Variants in RNASET2 observed in about 807,000 individuals in gnomAD.
RNASET2 encodes the protein ribonuclease 6.
RNASET2 carries 28 observed loss-of-function variants against 33.9 expected under a neutral mutation model. The ratio of observed to expected loss-of-function variants is 0.83; its 90% CI spans 0.61 to 1.13. The LOEUF is 1.13. Ranked by LOEUF, RNASET2 falls within the 50% of genes most tolerant of loss-of-function variation. RNASET2 has a pLI of 0.00. For synonymous variants in RNASET2, 123 were observed against 121.0 expected (o/e 1.02, Z -0.11); for missense variants, 330 against 319.9 (o/e 1.03, Z -0.24).
Position 166,926,533 on chromosome 6 carries a change from C to A in RNASET2, c.*3055G>T, listed in dbSNP as rs376010179. Among the ~76,000 whole-genome samples, 1,527 of 127,898 alleles carry A rather than the reference C, an allele frequency of 0.012. No homozygotes were observed. Among genetic ancestry groups the A allele is most frequent in the Non-Finnish European group, 0.015 (912 of 61,628 alleles). The allele number at this position is 127,898 out of a possible 152,430, so 83.9% of individuals were successfully genotyped here. A position where few individuals can be genotyped will look rare whatever the true frequency, so the allele number is the denominator to read the frequency against. ...TGGGCGACAGAGTGAGACTCAGTCT[C>A]AAAAAAAAAAAAAAAGAAAAGAAAA... On this transcript the variant is annotated 3_prime_UTR_variant, in exon 9 of 9. Coordinates refer to ENST00000508775, the MANE Select transcript of RNASET2 (RefSeq NM_003730.6).
chr6:166,930,693 C>CACATGCACACGTGCATGT (rs1554267039), intron 8 of RNASET2, among the ~76,000 whole-genome samples: 1 of 151,016 alleles, frequency 6.6e-6, no homozygotes, highest in East Asian at 2.0e-4. Flanking sequence ...GCGCATACAG[C>CACATGCACACGTGCATGT]ACATGCACAC....
rs144831798 is a variant in RNASET2, at chr6:166,922,949, C to T, written c.*6639G>A. ...TGCAGACTTTTCTCAGTGTTAAAAGCGGGTAGGAAAAGGTGATTGTGTAAT... is the reference window on the plus strand; with the variant it reads ...TGCAGACTTTTCTCAGTGTTAAAAGTGGGTAGGAAAAGGTGATTGTGTAAT... On this transcript the variant is annotated 3_prime_UTR_variant, in exon 9 of 9. Transcript: ENST00000508775. Among the ~76,000 whole-genome samples the T allele has an allele frequency of 3.1e-4, 47 of 152,266 alleles. No homozygotes were observed. The East Asian group carries it at 6.7e-3, about 22-fold the overall frequency.
At chr6:166,955,335 G>GCA (rs1562507434) in intron 1 of RNASET2, 1 of 83,352 alleles carries the variant, frequency 1.2e-5, no homozygotes, top group East Asian at 8.8e-4. Flanking sequence ...ACGCACGCAC[G>GCA]CACACGCACA....
intron 3 of RNASET2, 186 bp from the exon 4 acceptor site, chr6:166,946,925 A>T: frequency 1.5e-6 from 1 of 660,984 alleles, no homozygotes; most frequent in Non-Finnish European, 2.7e-6. Context: ...GTCAGAGTTC[A>T]AATTTCTTTA....
At chr6:166,945,113 G>C (rs1398400038) in intron 4 of RNASET2, 1 of 137,002 alleles carries the variant, frequency 7.3e-6, no homozygotes, top group Non-Finnish European at 1.5e-5. Flanking sequence ...ACCCATCCAC[G>C]TCCACACCTG....
At chr6:166,951,919 T>G (rs1378086964) in intron 2 of RNASET2, among the ~76,000 whole-genome samples, 5 of 152,046 alleles carry the variant, frequency 3.3e-5, no homozygotes, top group African/African-American at 9.7e-5. Flanking sequence ...AGAAGATATA[T>G]CCCTGTCCTA....
chr6:166,955,371 A>AC (rs1562507679), intron 1 of RNASET2: 2 of 208,070 alleles, frequency 9.6e-6, no homozygotes, highest in African/African-American at 1.8e-4. Flanking sequence ...ACGCACACAC[A>AC]AACGCACACG....
Position 166,931,099 on chromosome 6 carries a change from G to T in RNASET2, c.512C>A (p.Ala171Asp). Residue 171 changes from alanine to aspartate, a missense_variant, in exon 8 of 9, where the codon GCC becomes GAC. Coordinates refer to ENST00000508775, the MANE Select transcript of RNASET2 (RefSeq NM_003730.6). ...NYYQVADFKD[A>D]LARVYGVIPK... ...TATCACTCCATATACTCTGGCAAGG[G>T]CATCTTTAAAATCTGCAACCTGATT... 6.2e-7 allele frequency: 1 copy of T among 1,609,446 alleles called. No individual in the cohort carries two copies. Among genetic ancestry groups the T allele is most frequent in the South Asian group, 1.1e-5 (1 of 91,012 alleles).
At chr6:166,949,163 A>G (rs1295770052) in intron 2 of RNASET2, among the ~76,000 whole-genome samples, 1 of 131,272 alleles carries the variant, frequency 7.6e-6, no homozygotes, top group African/African-American at 3.0e-5. Flanking sequence ...ATGCCATTGC[A>G]CTCCAGCCTA....
At chr6:166,948,023 T>G (rs1356008519) in intron 3 of RNASET2, among the ~76,000 whole-genome samples, 3 of 152,152 alleles carry the variant, frequency 2.0e-5, no homozygotes, top group African/African-American at 7.2e-5. Context: ...GACCCTGACA[T>G]GTACCGAGAA....
chr6:166,955,227 A>ACACG (rs1294466139), intron 1 of RNASET2, among the ~76,000 whole-genome samples: 2 of 58,482 alleles, frequency 3.4e-5, no homozygotes, highest in African/African-American at 9.8e-5. Context: ...ACACGCGCAC[A>ACACG]CACGCACGCA....
Position 166,943,103 on chromosome 6 carries a change from A to G in RNASET2, c.262-14T>C, listed in dbSNP as rs750748155. 6.2e-7 allele frequency: 1 copy of G among 1,602,156 alleles called. No homozygotes were observed. The highest frequency in any genetic ancestry group is 8.5e-7 in the Non-Finnish European group (1 of 1,170,486). On this transcript the variant is annotated splice_polypyrimidine_tract_variant and intron_variant, in intron 4 of 8. Coordinates refer to ENST00000508775, the MANE Select transcript of RNASET2 (RefSeq NM_003730.6). ...TGGCAAAAGATCCTATGCATTAAAA[A>G]ATAAAATAAGTCTACGCAGGTTCTT...
chr6:166,936,061 A>T (rs1036364808), intron 6 of RNASET2, among the ~76,000 whole-genome samples: 1 of 152,250 alleles, frequency 6.6e-6, no homozygotes, highest in Non-Finnish European at 1.5e-5. Flanking sequence ...AGGGGTCTTA[A>T]ATTTTGACTT....
Position 166,946,676 on chromosome 6 carries a change from C to T in RNASET2, c.261+6G>A. 2.0e-6 allele frequency: 3 copies of T among 1,473,752 alleles called. No individual in the cohort carries two copies. Among genetic ancestry groups the T allele is most frequent in the Non-Finnish European group, 2.8e-6 (3 of 1,064,670 alleles). The allele number at this position is 1,473,752 out of a possible 1,614,324, so 91.3% of individuals were successfully genotyped here. ...CTGCAGTAGAAATATAATTAAAAGTCAATACCTTAATCTCTTCTAAATTGA... is the reference window on the plus strand; with the variant it reads ...CTGCAGTAGAAATATAATTAAAAGTTAATACCTTAATCTCTTCTAAATTGA... On this transcript the variant is annotated splice_donor_region_variant and intron_variant, in intron 4 of 8. Transcript: ENST00000508775.
At chr6:166,955,292 A>C (rs1357619327) in intron 1 of RNASET2, among the ~76,000 whole-genome samples, 1 of 78,198 alleles carries the variant, frequency 1.3e-5, no homozygotes, top group Non-Finnish European at 2.3e-5. Context: ...ACACACACGC[A>C]CAGACGCGCA....
chr6:166,930,461 GCATGTACACACACACACACA>G (rs1778393132), intron 8 of RNASET2, among the ~76,000 whole-genome samples: 1 of 149,970 alleles, frequency 6.7e-6, no homozygotes, highest in Non-Finnish European at 1.5e-5. Flanking sequence ...ATACCCACAT[GCATGTACACACACACACACA>G]CGCACATGCC....
At chr6:166,941,658 G>T (rs962284766) in intron 5 of RNASET2, among the ~76,000 whole-genome samples, 2 of 152,098 alleles carry the variant, frequency 1.3e-5, no homozygotes, top group African/African-American at 4.8e-5. Flanking sequence ...CAGAAAGGGG[G>T]ACATCACTTC....
rs1306641635 is a variant in RNASET2 at position 166,943,000 on chromosome 6, A to G, written c.332+19T>C. The stretch of plus-strand genomic sequence containing the variant: ...CGCTCAGACAGTAATCAAGACAGCA[A>G]TCAGAGGCTGGGACTTACCAGAAGC... On this transcript the variant is annotated intron_variant, in intron 5 of 8. Transcript: ENST00000508775. 2.5e-6 allele frequency: 4 copies of G among 1,608,822 alleles called. No individual in the cohort carries two copies. Among genetic ancestry groups the G allele is most frequent in the South Asian group, 2.2e-5 (2 of 90,788 alleles).
intron 2 of RNASET2, among the ~76,000 whole-genome samples, chr6:166,951,303 AC>A (rs1209321262): frequency 6.6e-6 from 1 of 152,226 alleles, no homozygotes; most frequent in East Asian, 1.9e-4. Flanking sequence ...TGAAAGTGAA[AC>A]AGCAGTGTGA....
Sources: allele counts gnomAD v4.1 joint callset (sites outside exome capture counted in the v4.1 genomes callset), GRCh38; gene constraint gnomAD v4.1.1; transcripts MANE v1.5; gene names NCBI Gene and HGNC (gene_info 2026-07-23, HGNC 2026-07-21).